NKAIN3: variants seen among roughly 807,000 people sequenced by gnomAD.
NKAIN3 encodes the protein sodium/potassium transporting ATPase interacting 3.
A neutral mutation model predicts 30.2 loss-of-function variants in NKAIN3; 25 were observed. The observed-to-expected ratio is 0.83, with a 90% CI of 0.60 to 1.16. The LOEUF (loss-of-function observed/expected upper bound fraction) is 1.16, where lower values mean the gene tolerates loss of function less well. Among genes scored for constraint, NKAIN3 ranks in the 50% most tolerant of loss-of-function variants. The probability of loss-of-function intolerance (pLI) is 0.00; values close to 1 mark genes in which losing one functional copy is unlikely to be tolerated. For synonymous variants in NKAIN3, 91 were observed against 89.6 expected (o/e 1.02, Z -0.09); for missense variants, 225 against 254.1 (o/e 0.89, Z 0.78).
At chr8:62,559,610 G>T (rs1202348943) in intron 1 of NKAIN3, among the ~76,000 whole-genome samples, 1 of 151,822 alleles carries the variant, frequency 6.6e-6, no homozygotes, top group African/African-American at 2.4e-5. Context: ...TTCTCTCAGG[G>T]TGGCATACAT....
At chr8:62,314,488 T>A (rs1443865354) in intron 1 of NKAIN3, among the ~76,000 whole-genome samples, 1 of 152,178 alleles carries the variant, frequency 6.6e-6, no homozygotes, top group Non-Finnish European at 1.5e-5. Context: ...TTGATTCTAG[T>A]GTATTCCTTG....
At chr8:62,522,005 T>A (rs1179276228) in intron 1 of NKAIN3, among the ~76,000 whole-genome samples, 1 of 152,074 alleles carries the variant, frequency 6.6e-6, no homozygotes, top group Non-Finnish European at 1.5e-5. Flanking sequence ...GGTGGCAATG[T>A]CAGCTAAATT....
intron 1 of NKAIN3, among the ~76,000 whole-genome samples, chr8:62,256,400 CA>C (rs1274232105): frequency 6.6e-6 from 1 of 152,086 alleles, no homozygotes; most frequent in Non-Finnish European, 1.5e-5. Context: ...GCGTGGGTGA[CA>C]GAACAAGAAT....
At chr8:62,864,233 A>C (rs1480683959) in intron 4 of NKAIN3, 50 of 754,768 alleles carry the variant, frequency 6.6e-5, no homozygotes, top group Non-Finnish European at 1.0e-4. Flanking sequence ...AACTAAAAAC[A>C]GCAGGATTAG....
In NKAIN3 at chr8:62,966,417, C is replaced by T. The variant is rs150758477; in HGVS notation, c.*1010C>T. ...AAAGGACTGTCTTGAAAACGCATCA[C>T]AGTTGTATTTTTTTAACTGGCATAA... On this transcript the variant is annotated 3_prime_UTR_variant, in exon 7 of 7. Transcript: ENST00000623646. The T allele has an allele frequency of 2.9e-4, 287 of 981,288 alleles. 1 individual carries two copies. The African/African-American group carries it at 3.9e-3, about 13-fold the overall frequency. The allele number at this position is 981,288 out of a possible 1,614,324, so 60.8% of individuals were successfully genotyped here.
At chr8:62,475,726 C>T (rs1048333267) in intron 1 of NKAIN3, among the ~76,000 whole-genome samples, 21 of 152,150 alleles carry the variant, frequency 1.4e-4, no homozygotes, top group African/African-American at 4.8e-4. Flanking sequence ...GCTCCAAAGG[C>T]ACATGTTTAT....
chr8:62,903,948 T>C lies in NKAIN3; in HGVS notation c.472-14505T>C, dbSNP rs552222763. On this transcript the variant is annotated intron_variant, in intron 4 of 6. Transcript: ENST00000623646. ...CCATGATTCAATTATCTCTACCTGG[T>C]CCCACCTTTGACACATGGGGATTAT... Among the ~76,000 whole-genome samples, 14 of 152,246 alleles carry C rather than the reference T, an allele frequency of 9.2e-5. No homozygotes were observed. The East Asian group carries it at 2.7e-3, about 30-fold the overall frequency.
chr8:62,461,003 C>T (rs997448944), intron 1 of NKAIN3, among the ~76,000 whole-genome samples: 6 of 152,184 alleles, frequency 3.9e-5, no homozygotes, highest in African/African-American at 1.4e-4. Context: ...AGGTATAAGG[C>T]TGAGTACCTG....
chr8:62,358,239 C>CTTTTTTT (rs34616447), intron 1 of NKAIN3, among the ~76,000 whole-genome samples: 1 of 121,916 alleles, frequency 8.2e-6, no homozygotes, highest in Non-Finnish European at 1.7e-5. Context: ...GATCTTATAC[C>CTTTTTTT]TTTTTTTTTT....
chr8:62,793,714 G>T (rs1420436505), intron 4 of NKAIN3, among the ~76,000 whole-genome samples: 1 of 152,098 alleles, frequency 6.6e-6, no homozygotes, highest in African/African-American at 2.4e-5. Context: ...AGTAAAGTTG[G>T]CATAAAAGCC....
chr8:62,428,962 T>G (rs1804905136), intron 1 of NKAIN3, among the ~76,000 whole-genome samples: 2 of 151,922 alleles, frequency 1.3e-5, no homozygotes. Context: ...ATAGTTTCCA[T>G]TCTTAGATTT....
rs549135619 is a variant in NKAIN3 at position 62,760,343 on chromosome 8, A to G, written c.471+13214A>G. 3.2e-4 allele frequency among the ~76,000 whole-genome samples: 48 copies of G among 152,216 alleles called. 1 individual carries two copies. Among genetic ancestry groups the G allele is most frequent in the Admixed American group, 4.6e-4 (7 of 15,280 alleles). On this transcript the variant is annotated intron_variant, in intron 4 of 6. Transcript: ENST00000623646. ...CATGCACGTGTATGTTTATTGCAGC[A>G]CTATTCACAATAGCAAAGACTTGGA...
intron 1 of NKAIN3, among the ~76,000 whole-genome samples, chr8:62,555,494 G>A (rs1418421539): frequency 6.6e-6 from 1 of 151,998 alleles, no homozygotes; most frequent in South Asian, 2.1e-4. Context: ...AGAAAAAAGA[G>A]TGTGAAAATA....
intron 1 of NKAIN3, among the ~76,000 whole-genome samples, chr8:62,542,055 A>G (rs1808863038): frequency 6.6e-6 from 1 of 152,174 alleles, no homozygotes; most frequent in Non-Finnish European, 1.5e-5. Context: ...GACAGTACTC[A>G]TAGGTCTTTT....
intron 2 of NKAIN3, among the ~76,000 whole-genome samples, chr8:62,585,279 A>C (rs1473510194): frequency 1.3e-5 from 2 of 152,200 alleles, no homozygotes. Flanking sequence ...GACTATTAGA[A>C]AAACCACCCC....
At chr8:62,475,833 TCTAA>T (rs1806501693) in intron 1 of NKAIN3, among the ~76,000 whole-genome samples, 1 of 152,198 alleles carries the variant, frequency 6.6e-6, no homozygotes, top group Admixed American at 6.5e-5. Flanking sequence ...AAACATGTTA[TCTAA>T]CTAATATGAA....
intron 3 of NKAIN3, among the ~76,000 whole-genome samples, chr8:62,722,884 A>G (rs1043444865): frequency 1.3e-5 from 2 of 152,264 alleles, no homozygotes; most frequent in South Asian, 2.1e-4. Context: ...TGTCTCTGAA[A>G]CTTCCAGATC....
At chr8:62,711,053 G>T (rs1814700818) in intron 3 of NKAIN3, among the ~76,000 whole-genome samples, 1 of 152,162 alleles carries the variant, frequency 6.6e-6, no homozygotes, top group South Asian at 2.1e-4. Context: ...TGAGAAGGCT[G>T]AAGATAGGCC....
chr8:62,812,345 A>G (rs527628529), intron 4 of NKAIN3, among the ~76,000 whole-genome samples: 3 of 152,026 alleles, frequency 2.0e-5, no homozygotes, highest in East Asian at 1.9e-4. Context: ...TTTTAGAAGA[A>G]GCTTATTTAT....
Sources: gnomAD v4.1 joint callset for allele counts (sites outside exome capture counted in the v4.1 genomes callset) on GRCh38, gnomAD v4.1.1 for gene constraint, MANE v1.5 for transcripts, NCBI Gene and HGNC (gene_info 2026-07-23, HGNC 2026-07-21) for gene names.